POLE: variants seen among roughly 807,000 people sequenced by gnomAD.
POLE encodes DNA polymerase epsilon catalytic subunit A.
In POLE, 188 loss-of-function variants were observed where a neutral mutation model predicts 279.2. That is an observed-to-expected ratio of 0.67 (90% CI 0.60 to 0.76). The LOEUF is 0.76. Among genes scored for constraint, POLE ranks in the 30% least tolerant of loss-of-function variants. The probability of loss-of-function intolerance (pLI) is 0.00; values close to 1 mark genes in which losing one functional copy is unlikely to be tolerated. For synonymous variants in POLE, 1,214 were observed against 1,172.5 expected, an observed-to-expected ratio of 1.04 and a Z score of -0.72; for missense variants, 2,703 against 3,016.7, an observed-to-expected ratio of 0.90 and a Z score of 2.44.
At position 132,650,929 on chromosome 12, in the gene POLE, G is replaced by C. The variant is rs574377677; in HGVS notation, c.3583-1040C>G. 5.0e-5 allele frequency: 7 copies of C among 140,440 alleles called. No homozygotes were observed. The Admixed American group carries it at 5.4e-4, about 11-fold the overall frequency. 8.7% of individuals were successfully genotyped at this position (140,440 alleles called of 1,614,324 possible). On this transcript the variant is annotated intron_variant, in intron 29 of 48. Transcript: ENST00000320574. ...CTCACTCTGTTGTCCAGGCTGGAGC[G>C]CAATGGCACGATCTCATCTCACTGC...
At chr12:132,651,832 G>A (rs532533236) in intron 29 of POLE, among the ~76,000 whole-genome samples, 1 of 152,372 alleles carries the variant, frequency 6.6e-6, no homozygotes, top group East Asian at 1.9e-4. Context: ...AGGCCAAGGA[G>A]GAACCGAGTC....
In POLE at chr12:132,687,321, C is replaced by T. The variant is rs534524789; in HGVS notation, c.-6G>A. 6.3e-5 allele frequency: 94 copies of T among 1,499,624 alleles called. No individual in the cohort carries two copies. The African/African-American group carries it at 9.6e-4, about 15-fold the overall frequency. 92.9% of individuals were successfully genotyped at this position (1,499,624 alleles called of 1,614,324 possible). The stretch of plus-strand genomic sequence containing the variant: ...CCGCCGCTCCTCAGAGACATGGAGC[C>T]GTTGGCTACCACCTCTGCTTCAGGG... On this transcript the variant is annotated 5_prime_UTR_variant, in exon 1 of 49. Coordinates refer to ENST00000320574, the MANE Select transcript of POLE (RefSeq NM_006231.4).
chr12:132,628,298 C>A (rs1000587215), intron 45 of POLE, among the ~76,000 whole-genome samples: 1 of 151,926 alleles, frequency 6.6e-6, no homozygotes, highest in Admixed American at 6.6e-5. Context: ...CAAGATCGCG[C>A]CACTGCACTC....
intron 32 of POLE, among the ~76,000 whole-genome samples, chr12:132,645,908 G>A (rs915727020): frequency 6.6e-6 from 1 of 152,140 alleles, no homozygotes; most frequent in African/African-American, 2.4e-5. Context: ...TTTCCTGGCT[G>A]TTCACTGAAG....
rs768647965 is a variant in POLE at position 132,642,953 on chromosome 12, G to A, written c.4595C>T (p.Ala1532Val). 1 of 1,609,568 alleles carries A rather than the reference G, an allele frequency of 6.2e-7. No homozygotes were observed. The highest frequency in any genetic ancestry group is 8.5e-7 in the Non-Finnish European group (1 of 1,178,704). The change falls in exon 36 of 49, where the codon GCA (alanine) becomes GTA (valine). Residue 1532 changes from alanine to valine, a missense_variant. By Grantham distance (64) the Ala-to-Val change is moderately conservative. Coordinates refer to ENST00000320574, the MANE Select transcript of POLE (RefSeq NM_006231.4). ...QMPSLGALYS[A>V]EHGLLLEKVG... is the part of the protein sequence containing the mutation. ...CTTCTCCAGGAGGAGGCCGTGCTCTGCTGAGTACAGGGCGCCAAGGCTGGG... is the reference window on the plus strand; with the variant it reads ...CTTCTCCAGGAGGAGGCCGTGCTCTACTGAGTACAGGGCGCCAAGGCTGGG...
At chr12:132,637,596 G>A (rs1369136163) in intron 41 of POLE, among the ~76,000 whole-genome samples, 1 of 152,208 alleles carries the variant, frequency 6.6e-6, no homozygotes, top group Non-Finnish European at 1.5e-5. Flanking sequence ...GCTGAGAGCT[G>A]TGCACACCTG....
intron 43 of POLE, chr12:132,633,563 C>T (rs917446765): frequency 1.3e-5 from 2 of 152,252 alleles, no homozygotes; most frequent in African/African-American, 4.8e-5. Context: ...TGATCATCAA[C>T]GAAGGCCTCT....
Position 132,643,850 on chromosome 12 carries a change from A to G in POLE, c.4277T>C (p.Val1426Ala), listed in dbSNP as rs2042212771. 1 of 1,613,858 alleles carries G rather than the reference A, an allele frequency of 6.2e-7. No individual in the cohort carries two copies. The highest frequency in any genetic ancestry group is 8.5e-7 in the Non-Finnish European group (1 of 1,179,896). Residue 1426 changes from valine to alanine, a missense_variant, in exon 33 of 49, where the codon GTA becomes GCA. Around this residue, in one of 5 missense-constraint regions of POLE, gnomAD observed 1,551 missense variants for 1,686.1 expected, o/e 0.92. Coordinates refer to ENST00000320574, the MANE Select transcript of POLE (RefSeq NM_006231.4). ...AELSAPDIEGVYETQVPLLFR... is the reference protein window; with the variant it reads ...AELSAPDIEGAYETQVPLLFR... ...CTGGGGAGTCACCTGAGTCTCATAT[A>G]CGCCCTCGATGTCTGGCGCTGACAG...
At position 132,636,029 on chromosome 12, in the gene POLE, A is replaced by C. The variant is rs1297914465; in HGVS notation, c.5679-5T>G. 1 of 1,610,120 alleles carries C rather than the reference A, an allele frequency of 6.2e-7. No homozygotes were observed. Among genetic ancestry groups the C allele is most frequent in the Non-Finnish European group, 8.5e-7 (1 of 1,178,550 alleles). On this transcript the variant is annotated splice_region_variant and splice_polypyrimidine_tract_variant and intron_variant, in intron 41 of 48. Coordinates refer to ENST00000320574, the MANE Select transcript of POLE (RefSeq NM_006231.4). ...AAGGTCTCCTTTGAATGGATGCTGCAGAGGAAGCATTGAAGACGCTGCTTC... is the reference window on the plus strand; with the variant it reads ...AAGGTCTCCTTTGAATGGATGCTGCCGAGGAAGCATTGAAGACGCTGCTTC...
In POLE at chr12:132,641,793, A is replaced by G. The variant is rs1060504045; in HGVS notation, c.5232T>C (p.His1744=). 1 of 1,606,766 alleles carries G rather than the reference A, an allele frequency of 6.2e-7. No homozygotes were observed. Among genetic ancestry groups the G allele is most frequent in the South Asian group, 1.1e-5 (1 of 91,078 alleles). Residue 1744 remains histidine (H), a synonymous_variant, in exon 39 of 49, where the codon CAT becomes CAC. Coordinates refer to ENST00000320574, the MANE Select transcript of POLE (RefSeq NM_006231.4). ...LAVNTILQSH[H]VNDMEGADSM... is the part of the protein sequence containing the mutation. ...TGTCGGCCCCCTCCATGTCGTTGAC[A>G]TGGTGAGACTGGAGAATGGTGTTGA...
At position 132,624,745 on chromosome 12, in the gene POLE, C is replaced by T; in HGVS notation, c.6813G>A (p.Leu2271=). Residue 2271 remains leucine (L), a synonymous_variant, in exon 49 of 49, where the codon CTG becomes CTA. Transcript: ENST00000320574. ...IAQHYGMSYL[L]ETLEWLLQKN... ...TCTGCAGCAGCCACTCCAGGGTCTC[C>T]AGGAGGTACGACATGCCGTAGTGCT... 6.2e-7 allele frequency: 1 copy of T among 1,613,954 alleles called. No homozygotes were observed. The highest frequency in any genetic ancestry group is 8.5e-7 in the Non-Finnish European group (1 of 1,179,832).
At chr12:132,685,531 C>T (rs924104990) in intron 1 of POLE, among the ~76,000 whole-genome samples, 6 of 152,228 alleles carry the variant, frequency 3.9e-5, no homozygotes, top group African/African-American at 1.4e-4. Context: ...GATGAGGTAA[C>T]CCACATAAAG....
chr12:132,651,626 G>A (rs2042424330), intron 29 of POLE, among the ~76,000 whole-genome samples: 1 of 152,240 alleles, frequency 6.6e-6, no homozygotes, highest in Admixed American at 6.5e-5. Context: ...CTCCTTCCCT[G>A]AGTGGGGGTG....
rs74700700 is a variant in POLE at position 132,655,315 on chromosome 12, T to G, written c.3582+1821A>C. Among the ~76,000 whole-genome samples the G allele has an allele frequency of 6.7e-5, 10 of 149,376 alleles. No individual in the cohort carries two copies. In the South Asian group the frequency reaches 1.9e-3, roughly 28 times the overall value. On this transcript the variant is annotated intron_variant, in intron 29 of 48. Coordinates refer to ENST00000320574, the MANE Select transcript of POLE (RefSeq NM_006231.4). ...TTTTGATCCACAAGTTATAAATGTG[T>G]TTTTTTTTTCTTAAATTTCCAAACA...
intron 38 of POLE, 93 bp downstream of exon 38, chr12:132,642,084 A>AGT: frequency 8.2e-7 from 1 of 1,215,064 alleles, no homozygotes; most frequent in Non-Finnish European, 1.2e-6. Context: ...TCGAACTCTG[A>AGT]GCCCATCCTC....
In POLE at chr12:132,624,082, G is replaced by C. The variant is rs2041779791; in HGVS notation, c.*615C>G. 4.8e-6 allele frequency: 1 copy of C among 208,354 alleles called. No homozygotes were observed. Among genetic ancestry groups the C allele is most frequent in the African/African-American group, 2.3e-5 (1 of 43,776 alleles). 12.9% of individuals were successfully genotyped at this position (208,354 alleles called of 1,614,324 possible). On this transcript the variant is annotated 3_prime_UTR_variant, in exon 49 of 49. Coordinates refer to ENST00000320574, the MANE Select transcript of POLE (RefSeq NM_006231.4). ...TCTTGTTTTCCTGAGGCTGATAGAG[G>C]GTTCCCTCTAGACCCGGCTCCAAAT...
chr12:132,624,272 T>C lies in POLE; in HGVS notation c.*425A>G, dbSNP rs1303044957. On this transcript the variant is annotated 3_prime_UTR_variant, in exon 49 of 49. Transcript: ENST00000320574. ...CAGGGCCTTGGGAACCCGTCTCGTC[T>C]CAGAGCCCAATCTCAGGGAGCCAGA... The C allele has an allele frequency of 2.2e-5, 6 of 269,102 alleles. No individual in the cohort carries two copies. The East Asian group carries it at 3.3e-4, about 15-fold the overall frequency. The allele number at this position is 269,102 out of a possible 1,614,324, so 16.7% of individuals were successfully genotyped here. A position where few individuals can be genotyped will look rare whatever the true frequency, so the allele number is the denominator to read the frequency against.
At chr12:132,653,961 C>G (rs117432893) in intron 29 of POLE, among the ~76,000 whole-genome samples, 3,154 of 152,272 alleles carry the variant, frequency 0.021, 53 homozygotes, top group East Asian at 0.028. Context: ...TAGTGGATTT[C>G]TCCCAAGAAA....
chr12:132,683,204 G>C (rs1009679576), intron 1 of POLE, among the ~76,000 whole-genome samples: 1 of 152,138 alleles, frequency 6.6e-6, no homozygotes, highest in Non-Finnish European at 1.5e-5. Context: ...GGTCTTTGCA[G>C]ATCTGACTAA....
Sources: allele counts gnomAD v4.1 joint callset (sites outside exome capture counted in the v4.1 genomes callset), GRCh38; gene constraint gnomAD v4.1.1; regional missense constraint gnomAD v4.1.1; transcripts MANE v1.5; gene names NCBI Gene and HGNC (gene_info 2026-07-23, HGNC 2026-07-21).